The following ARL6 variants were observed in gnomAD, a reference collection of about 807,000 sequenced individuals.
ARL6 encodes the protein ADP-ribosylation factor-like protein 6.
A neutral mutation model predicts 27.1 loss-of-function variants in ARL6; 18 were observed. The ratio of observed to expected loss-of-function variants is 0.66; its 90% CI spans 0.46 to 0.98. ARL6 has a LOEUF of 0.98. Among genes scored for constraint, ARL6 ranks in the 50% least tolerant of loss-of-function variants. ARL6 has a pLI of 0.00. For synonymous variants in ARL6, 65 were observed against 72.3 expected (o/e 0.90, Z 0.51); for missense variants, 187 against 214.9 (o/e 0.87, Z 0.81).
intron 5 of ARL6, among the ~76,000 whole-genome samples, chr3:97,787,039 A>G (rs929266976): frequency 1.8e-4 from 28 of 152,192 alleles, no homozygotes; most frequent in African/African-American, 5.5e-4. Context: ...CTTTGACCCA[A>G]CAATTCCACA....
intron 6 of ARL6, among the ~76,000 whole-genome samples, chr3:97,790,096 T>TGTGCA (rs1476960986): frequency 1.6e-4 from 24 of 146,394 alleles, no homozygotes; most frequent in African/African-American, 5.5e-4. Context: ...TGTGTGCATG[T>TGTGCA]TGTGTGTATG....
chr3:97,792,801 GCCAAGTCAGAAATT>G (rs2037807475), intron 7 of ARL6, among the ~76,000 whole-genome samples: 1 of 152,084 alleles, frequency 6.6e-6, no homozygotes, highest in Non-Finnish European at 1.5e-5. Context: ...GATCCTAATG[GCCAAGTCAGAAATT>G]CCATTTCTGA....
intron 2 of ARL6, among the ~76,000 whole-genome samples, chr3:97,777,720 T>A (rs1255227082): frequency 6.6e-6 from 1 of 152,200 alleles, no homozygotes; most frequent in African/African-American, 2.4e-5. Context: ...AGAGGGAGAT[T>A]GATATTGTAA....
At chr3:97,774,716 T>G (rs949013754) in intron 2 of ARL6, among the ~76,000 whole-genome samples, 1 of 152,172 alleles carries the variant, frequency 6.6e-6, no homozygotes, top group Non-Finnish European at 1.5e-5. Flanking sequence ...TCATTGCAGG[T>G]CAGCAACTGA....
chr3:97,784,624 C>T (rs2037359670), intron 4 of ARL6, among the ~76,000 whole-genome samples: 1 of 151,596 alleles, frequency 6.6e-6, no homozygotes, highest in South Asian at 2.1e-4. Flanking sequence ...ATAATTATTG[C>T]ATCGGTGTAA....
intron 1 of ARL6, chr3:97,766,718 AT>A (rs1266323072): frequency 6.6e-6 from 1 of 152,240 alleles, no homozygotes; most frequent in Non-Finnish European, 1.5e-5. Context: ...ATTGTATGGA[AT>A]AAAAAGTATT....
At chr3:97,771,557 A>C (rs2036635769) in intron 2 of ARL6, among the ~76,000 whole-genome samples, 1 of 149,688 alleles carries the variant, frequency 6.7e-6, no homozygotes, top group Admixed American at 6.6e-5. Context: ...TTTGAGTAAA[A>C]GTGGTGAAAA....
At position 97,768,199 on chromosome 3, in the gene ARL6, C is replaced by G. The variant is rs104893680; in HGVS notation, c.92C>G (p.Thr31Arg). 6.2e-7 allele frequency: 1 copy of G among 1,612,642 alleles called. No individual in the cohort carries two copies. The highest frequency in any genetic ancestry group is 1.3e-5 in the African/African-American group (1 of 74,854). Reference protein sequence around the residue: ...LCLGLDNSGKTTIINKLKPSN... With the variant: ...LCLGLDNSGKRTIINKLKPSN... ...CTTGGGCTAGATAATAGTGGCAAAA[C>G]GACGATCATTAACAAACTTAAACCT... The change falls in exon 2 of 8, where the codon ACG becomes AGG. Residue 31 changes from threonine to arginine, a missense_variant. Transcript: ENST00000463745.
chr3:97,774,342 C>T (rs1049671328), intron 2 of ARL6, among the ~76,000 whole-genome samples: 4 of 150,268 alleles, frequency 2.7e-5, no homozygotes, highest in Non-Finnish European at 5.9e-5. Context: ...AGAATCCCCC[C>T]GGGATTCTAG....
intron 5 of ARL6, 52 bp downstream of exon 5, chr3:97,785,101 T>C: frequency 6.9e-7 from 1 of 1,441,734 alleles, no homozygotes; most frequent in South Asian, 1.1e-5. Context: ...CATTTATGTG[T>C]AATGTTTTGT....
chr3:97,794,802 G>A (rs539997659), intron 7 of ARL6, among the ~76,000 whole-genome samples: 24 of 152,172 alleles, frequency 1.6e-4, no homozygotes, highest in Middle Eastern at 3.4e-3. Context: ...ATTTAAGATT[G>A]GGGCCGGGAG....
intron 5 of ARL6, among the ~76,000 whole-genome samples, 171 bp from the exon 6 acceptor site, chr3:97,787,819 T>C (rs536741733): frequency 6.6e-6 from 1 of 152,308 alleles, no homozygotes; most frequent in South Asian, 2.1e-4. Flanking sequence ...ATTTTGTTAC[T>C]GCTCAAATAC....
intron 2 of ARL6, among the ~76,000 whole-genome samples, chr3:97,776,056 G>A (rs1023297028): frequency 6.6e-6 from 1 of 152,138 alleles, no homozygotes; most frequent in Non-Finnish European, 1.5e-5. Context: ...TGCTGTTATT[G>A]TATTGCAGTC....
At chr3:97,765,211 GGTGTGTGTGTGTGTGT>G (rs71113866) in intron 1 of ARL6, among the ~76,000 whole-genome samples, 5 of 105,614 alleles carry the variant, frequency 4.7e-5, no homozygotes, top group Non-Finnish European at 6.7e-5. Context: ...GTGTATTGGG[GGTGTGTGTGTGTGTGT>G]GTGTGTGTGT....
intron 7 of ARL6, among the ~76,000 whole-genome samples, chr3:97,796,731 A>AG (rs2038022898): frequency 6.6e-6 from 1 of 152,184 alleles, no homozygotes. Flanking sequence ...AAGCTTCCTG[A>AG]GGAAAAAAAG....
chr3:97,780,054 C>T (rs2037113427), intron 2 of ARL6, 105 bp from the exon 3 acceptor site: 1 of 851,316 alleles, frequency 1.2e-6, no homozygotes, highest in Non-Finnish European at 2.0e-6. Flanking sequence ...ATCCTATCAT[C>T]TCCTTAGTGA....
chr3:97,768,209 T>C lies in ARL6; in HGVS notation c.102T>C (p.Ile34=). The change falls in exon 2 of 8, where the codon ATT becomes ATC. Residue 34 remains isoleucine (I), a synonymous_variant. Coordinates refer to ENST00000463745, the MANE Select transcript of ARL6 (RefSeq NM_001278293.3). ...GLDNSGKTTI[I]NKLKPSNAQS... ...ATAATAGTGGCAAAACGACGATCAT[T>C]AACAAACTTAAACCTTCAAATGTAA... is the stretch of plus-strand genomic sequence containing the variant. 1 of 1,612,822 alleles carries C rather than the reference T, an allele frequency of 6.2e-7. No homozygotes were observed. Among genetic ancestry groups the C allele is most frequent in the Non-Finnish European group, 8.5e-7 (1 of 1,178,966 alleles).
At position 97,764,777 on chromosome 3, in the gene ARL6, T is replaced by G. The variant is rs2107961005; in HGVS notation, c.-228T>G. ...CCTGCCAAGGCGCCTGCTCAGCGACTGATGCACAGACTGCTGCAGAGGCTG... is the reference window on the plus strand; with the variant it reads ...CCTGCCAAGGCGCCTGCTCAGCGACGGATGCACAGACTGCTGCAGAGGCTG... On this transcript the variant is annotated 5_prime_UTR_variant, in exon 1 of 8. Coordinates refer to ENST00000463745, the MANE Select transcript of ARL6 (RefSeq NM_001278293.3). The G allele has an allele frequency of 6.6e-6, 1 of 152,410 alleles. No homozygotes were observed. Among genetic ancestry groups the G allele is most frequent in the South Asian group, 2.1e-4 (1 of 4,832 alleles). 9.4% of individuals were successfully genotyped at this position (152,410 alleles called of 1,614,324 possible). A position where few individuals can be genotyped will look rare whatever the true frequency, so the allele number is the denominator to read the frequency against.
chr3:97,780,891 A>G (rs1374323268), intron 4 of ARL6, among the ~76,000 whole-genome samples: 6 of 151,736 alleles, frequency 4.0e-5, no homozygotes, highest in South Asian at 2.1e-4. Flanking sequence ...TGCATGTACT[A>G]TTCTCTCTGT....
Sources: gnomAD v4.1 joint callset for allele counts (sites outside exome capture counted in the v4.1 genomes callset) on GRCh38, gnomAD v4.1.1 for gene constraint, MANE v1.5 for transcripts, NCBI Gene and HGNC (gene_info 2026-07-23, HGNC 2026-07-21) for gene names.